Variants in LRMDA observed in about 807,000 individuals in gnomAD.
LRMDA encodes leucine-rich melanocyte differentiation-associated protein.
In LRMDA, 18 loss-of-function variants were observed where a neutral mutation model predicts 29.8. The observed-to-expected ratio is 0.60, with a 90% CI of 0.42 to 0.90. The LOEUF (loss-of-function observed/expected upper bound fraction) is 0.90, where lower values mean the gene tolerates loss of function less well. LRMDA is among the 40% of genes least tolerant of loss of function. The pLI, the probability that LRMDA is intolerant of heterozygous loss-of-function variation, is 0.00. For missense variants in LRMDA, 273 were observed against 273.9 expected (o/e 1.00, Z 0.02); for synonymous variants, 125 against 109.4 (o/e 1.14, Z -0.89).
chr10:76,467,506 C>A (rs1842576151), intron 6 of LRMDA, among the ~76,000 whole-genome samples: 1 of 152,164 alleles, frequency 6.6e-6, no homozygotes, highest in Non-Finnish European at 1.5e-5. Context: ...GACAAAGGAG[C>A]AGGCAGGTTT....
intron 2 of LRMDA, among the ~76,000 whole-genome samples, chr10:75,551,980 A>G (rs1840156025): frequency 6.6e-6 from 1 of 152,012 alleles, no homozygotes; most frequent in African/African-American, 2.4e-5. Flanking sequence ...GAGGTCAAGG[A>G]TTCAGTGAGC....
intron 2 of LRMDA, among the ~76,000 whole-genome samples, chr10:75,635,014 A>G (rs752390317): frequency 6.6e-6 from 1 of 152,208 alleles, no homozygotes; most frequent in Non-Finnish European, 1.5e-5. Context: ...TAGTCTTCCC[A>G]TCTCTTAAGG....
intron 2 of LRMDA, among the ~76,000 whole-genome samples, chr10:75,911,881 G>A (rs928567378): frequency 8.5e-5 from 13 of 152,236 alleles, no homozygotes; most frequent in African/African-American, 1.2e-4. Flanking sequence ...AGAAGTTGTC[G>A]GTGACCACCT....
At chr10:76,524,180 A>G (rs1843150644) in intron 6 of LRMDA, among the ~76,000 whole-genome samples, 1 of 152,166 alleles carries the variant, frequency 6.6e-6, no homozygotes, top group Admixed American at 6.6e-5. Context: ...TGTTTAATGG[A>G]CTAAATATTT....
intron 4 of LRMDA, among the ~76,000 whole-genome samples, chr10:76,053,887 A>G (rs1482577792): frequency 2.6e-5 from 4 of 152,218 alleles, no homozygotes; most frequent in Admixed American, 1.3e-4. Context: ...ACCTGGGGAC[A>G]TATTAGAAAT....
intron 2 of LRMDA, among the ~76,000 whole-genome samples, chr10:75,637,615 C>T (rs1841404392): frequency 6.6e-6 from 1 of 152,206 alleles, no homozygotes; most frequent in Admixed American, 6.5e-5. Context: ...TATGGAGATG[C>T]TTAGCCTTCC....
chr10:75,765,873 TC>T (rs1235940873), intron 2 of LRMDA, among the ~76,000 whole-genome samples: 2 of 150,796 alleles, frequency 1.3e-5, no homozygotes, highest in Admixed American at 6.6e-5. Flanking sequence ...GCCTGACATC[TC>T]CCAGCAGAGA....
intron 6 of LRMDA, among the ~76,000 whole-genome samples, chr10:76,521,622 G>A (rs994680605): frequency 6.6e-6 from 1 of 152,216 alleles, no homozygotes; most frequent in African/African-American, 2.4e-5. Flanking sequence ...ATTTAGGGGA[G>A]AGAAGCGAAA....
At chr10:75,973,290 T>C (rs1365137269) in intron 2 of LRMDA, among the ~76,000 whole-genome samples, 3 of 152,236 alleles carry the variant, frequency 2.0e-5, no homozygotes, top group African/African-American at 4.8e-5. Flanking sequence ...CAGGACTATG[T>C]GACACTGTTG....
chr10:76,483,105 G>A (rs1842748013), intron 6 of LRMDA, among the ~76,000 whole-genome samples: 1 of 151,906 alleles, frequency 6.6e-6, no homozygotes, highest in African/African-American at 2.4e-5. Context: ...CTAGTTTCAA[G>A]TTCTGCATCA....
chr10:75,938,385 C>T (rs1846331144), intron 2 of LRMDA, among the ~76,000 whole-genome samples: 1 of 152,160 alleles, frequency 6.6e-6, no homozygotes, highest in Non-Finnish European at 1.5e-5. Flanking sequence ...TTTCATTTAG[C>T]TTTGAAGTTT....
rs369644950 is a variant in LRMDA, at chr10:76,061,826, C to A, written c.516+3043C>A. 2.6e-5 allele frequency among the ~76,000 whole-genome samples: 4 copies of A among 152,208 alleles called. No individual in the cohort carries two copies. In the East Asian group the frequency reaches 5.8e-4, roughly 22 times the overall value. On this transcript the variant is annotated intron_variant, in intron 5 of 6. Transcript: ENST00000611255. Reference sequence around the variant, plus strand: ...TCTGTGTTCTTGGTTTCATATCGAACTGGATGCCTACATTGAATGGCAGGC... The same window carrying A: ...TCTGTGTTCTTGGTTTCATATCGAAATGGATGCCTACATTGAATGGCAGGC...
chr10:76,246,235 G>A lies in LRMDA; in HGVS notation c.517-78166G>A, dbSNP rs572066035. 4.6e-5 allele frequency among the ~76,000 whole-genome samples: 7 copies of A among 152,264 alleles called. No homozygotes were observed. The South Asian group carries it at 6.2e-4, about 14-fold the overall frequency. On this transcript the variant is annotated intron_variant, in intron 5 of 6. Transcript: ENST00000611255. The stretch of plus-strand genomic sequence containing the variant: ...GGCCCACTGTAGGCTCATTAGGAGG[G>A]GTGAGTTTGGTCTGAAATGGTCCTG...
chr10:76,268,103 C>G (rs1840027314), intron 5 of LRMDA, among the ~76,000 whole-genome samples: 1 of 152,116 alleles, frequency 6.6e-6, no homozygotes, highest in African/African-American at 2.4e-5. Flanking sequence ...ACTAGAGTGC[C>G]AGATTCCCTA....
At chr10:75,580,396 C>T (rs1840572101) in intron 2 of LRMDA, among the ~76,000 whole-genome samples, 1 of 152,114 alleles carries the variant, frequency 6.6e-6, no homozygotes, top group African/African-American at 2.4e-5. Flanking sequence ...AACTACAAAC[C>T]ACTGCTCAAG....
chr10:76,283,198 T>G lies in LRMDA; in HGVS notation c.517-41203T>G, dbSNP rs144805666. On this transcript the variant is annotated intron_variant, in intron 5 of 6. Coordinates refer to ENST00000611255, the MANE Select transcript of LRMDA (RefSeq NM_001305581.2). ...CTCTGCAATGAGTTTATTTAACCAG[T>G]TTATTGATTATCTACTGTGGCCACA... Among the ~76,000 whole-genome samples the G allele has an allele frequency of 3.2e-3, 492 of 152,306 alleles. 24 individuals carry two copies. The East Asian group carries it at 0.077, about 24-fold the overall frequency.
rs145966675 is a variant in LRMDA at position 76,189,067 on chromosome 10, T to A, written c.516+130284T>A. Among the ~76,000 whole-genome samples the A allele has an allele frequency of 2.8e-3, 424 of 152,200 alleles. 2 individuals carry two copies. The highest frequency in any genetic ancestry group is 9.8e-3 in the African/African-American group (405 of 41,520). On this transcript the variant is annotated intron_variant, in intron 5 of 6. Transcript: ENST00000611255. Reference sequence around the variant, plus strand: ...AATAGGTATACATTGAAAGAAAATGTTTTTATTAGGCCAGGCGTGGTGACT... The same window carrying A: ...AATAGGTATACATTGAAAGAAAATGATTTTATTAGGCCAGGCGTGGTGACT...
In LRMDA at chr10:76,265,603, C is replaced by T. The variant is rs529190867; in HGVS notation, c.517-58798C>T. 2.6e-5 allele frequency among the ~76,000 whole-genome samples: 4 copies of T among 152,226 alleles called. No homozygotes were observed. In the South Asian group the frequency reaches 8.3e-4, roughly 32 times the overall value. ...GCACAGGCGAGGCTTGGTATGGAGC[C>T]CAGTGTTTATACTTAAGAGAGTGCT... On this transcript the variant is annotated intron_variant, in intron 5 of 6. Transcript: ENST00000611255.
intron 6 of LRMDA, among the ~76,000 whole-genome samples, chr10:76,427,732 C>T (rs2132279750): frequency 6.6e-6 from 1 of 152,236 alleles, no homozygotes; most frequent in Admixed American, 6.5e-5. Context: ...ATGATATTGG[C>T]TGTGGGTTTG....
Sources: gnomAD v4.1 joint callset for allele counts (sites outside exome capture counted in the v4.1 genomes callset) on GRCh38, gnomAD v4.1.1 for gene constraint, MANE v1.5 for transcripts, NCBI Gene and HGNC (gene_info 2026-07-23, HGNC 2026-07-21) for gene names.